CCDC148: variants seen among roughly 807,000 people sequenced by gnomAD.
CCDC148 encodes the protein coiled-coil domain-containing protein 148.
CCDC148 carries 89 observed loss-of-function variants against 85.7 expected under a neutral mutation model. That is an observed-to-expected ratio of 1.04 (90% CI 0.87 to 1.24). The LOEUF is 1.24. Ranked by LOEUF, CCDC148 falls within the 50% of genes most tolerant of loss-of-function variation. The probability of loss-of-function intolerance (pLI) is 0.00; values close to 1 mark genes in which losing one functional copy is unlikely to be tolerated. For synonymous variants in CCDC148, 230 were observed against 213.9 expected, an observed-to-expected ratio of 1.08 and a Z score of -0.66; for missense variants, 692 against 671.7, an observed-to-expected ratio of 1.03 and a Z score of -0.33.
chr2:158,368,398 A>G (rs1228826334), intron 1 of CCDC148, among the ~76,000 whole-genome samples: 2 of 152,088 alleles, frequency 1.3e-5, no homozygotes, highest in East Asian at 1.9e-4. Flanking sequence ...GGCTATTTCA[A>G]TTTTATGTTT....
chr2:158,333,112 T>C (rs972125655), intron 7 of CCDC148, among the ~76,000 whole-genome samples: 4 of 152,168 alleles, frequency 2.6e-5, no homozygotes, highest in African/African-American at 9.7e-5. Context: ...CTAGTGATAT[T>C]TGGGTATCAA....
At chr2:158,451,722 T>C (rs1688412144) in intron 1 of CCDC148, among the ~76,000 whole-genome samples, 1 of 152,030 alleles carries the variant, frequency 6.6e-6, no homozygotes, top group Admixed American at 6.6e-5. Flanking sequence ...CTAAAAAAAA[T>C]TCTTTTGCCT....
At chr2:158,317,731 G>T (rs544785036) in intron 7 of CCDC148, among the ~76,000 whole-genome samples, 65 of 152,126 alleles carry the variant, frequency 4.3e-4, no homozygotes, top group African/African-American at 1.6e-3. Flanking sequence ...ACACATACAG[G>T]TAACAGATAC....
intron 11 of CCDC148, among the ~76,000 whole-genome samples, chr2:158,179,895 C>T (rs545060952): frequency 5.9e-5 from 9 of 152,160 alleles, no homozygotes; most frequent in Non-Finnish European, 1.3e-4. Flanking sequence ...TTTCCAACCC[C>T]CTTAAAATCA....
chr2:158,188,161 A>G (rs894695468), intron 11 of CCDC148, among the ~76,000 whole-genome samples: 1 of 151,986 alleles, frequency 6.6e-6, no homozygotes, highest in African/African-American at 2.4e-5. Context: ...AAAGCAGACA[A>G]TCAAGCTCCC....
intron 1 of CCDC148, among the ~76,000 whole-genome samples, chr2:158,455,222 A>G (rs546523795): frequency 6.6e-6 from 1 of 152,250 alleles, no homozygotes; most frequent in Admixed American, 6.5e-5. Context: ...AAAACAGCCT[A>G]TTTCCATGAT....
intron 7 of CCDC148, among the ~76,000 whole-genome samples, chr2:158,334,113 AGT>A (rs1693298425): frequency 6.6e-6 from 1 of 152,172 alleles, no homozygotes; most frequent in Admixed American, 6.6e-5. Context: ...AACTCACAAA[AGT>A]GTGGAGTGCC....
rs557155560 is a variant in CCDC148 at position 158,284,612 on chromosome 2, C to T, written c.1110+24821G>A. ...CAGCTGGGATCCTTGATAACTGGAG[C>T]AATTAAAAAGGCTTCAAGCTTTGGT... On this transcript the variant is annotated intron_variant, in intron 9 of 13. Transcript: ENST00000283233. 2.2e-4 allele frequency among the ~76,000 whole-genome samples: 33 copies of T among 152,222 alleles called. 1 individual carries two copies. Among genetic ancestry groups the T allele is most frequent in the Non-Finnish European group, 4.3e-4 (29 of 68,006 alleles).
At chr2:158,341,187 C>T (rs1435218469) in intron 3 of CCDC148, among the ~76,000 whole-genome samples, 1 of 151,746 alleles carries the variant, frequency 6.6e-6, no homozygotes, top group Non-Finnish European at 1.5e-5. Context: ...TCTTCATGAG[C>T]TTATATATGT....
chr2:158,195,632 C>A (rs1361565971), intron 11 of CCDC148, among the ~76,000 whole-genome samples: 2 of 152,146 alleles, frequency 1.3e-5, no homozygotes, highest in East Asian at 3.9e-4. Flanking sequence ...CTCAGGAAAT[C>A]ATTTTTAAAA....
intron 10 of CCDC148, among the ~76,000 whole-genome samples, chr2:158,245,337 A>T (rs1688526642): frequency 6.6e-6 from 1 of 152,166 alleles, no homozygotes; most frequent in East Asian, 1.9e-4. Context: ...TATTGGTATG[A>T]TGTTACAAGA....
chr2:158,171,988 T>C lies in CCDC148; in HGVS notation c.*125A>G. 1 of 732,248 alleles carries C rather than the reference T, an allele frequency of 1.4e-6. No individual in the cohort carries two copies. Among genetic ancestry groups the C allele is most frequent in the Non-Finnish European group, 2.1e-6 (1 of 468,780 alleles). The allele number at this position is 732,248 out of a possible 1,614,324, so 45.4% of individuals were successfully genotyped here. ...GAATCACAAAAGAAAGGCAAAGTTG[T>C]TTTAATAGATGCTATGATTTCTATG... On this transcript the variant is annotated 3_prime_UTR_variant, in exon 14 of 14. Transcript: ENST00000283233.
chr2:158,280,459 A>AC (rs1356320320), intron 9 of CCDC148, among the ~76,000 whole-genome samples: 1 of 152,190 alleles, frequency 6.6e-6, no homozygotes, highest in African/African-American at 2.4e-5. Context: ...AAAACAAAAA[A>AC]AGGCAGGGGT....
At chr2:158,200,728 G>C (rs1194991054) in intron 11 of CCDC148, among the ~76,000 whole-genome samples, 1 of 152,130 alleles carries the variant, frequency 6.6e-6, no homozygotes, top group Non-Finnish European at 1.5e-5. Context: ...GGTTAAGGTA[G>C]CGATAGTCAG....
intron 1 of CCDC148, among the ~76,000 whole-genome samples, chr2:158,389,635 C>A (rs1036204432): frequency 6.6e-6 from 1 of 152,180 alleles, no homozygotes; most frequent in Admixed American, 6.5e-5. Context: ...TGTAGGACCA[C>A]AACATTACCT....
At chr2:158,453,605 G>T (rs1156744591) in intron 1 of CCDC148, among the ~76,000 whole-genome samples, 3 of 152,038 alleles carry the variant, frequency 2.0e-5, no homozygotes, top group African/African-American at 7.2e-5. Context: ...CTCCTCCATA[G>T]ACACCCAGGT....
chr2:158,367,903 C>A (rs1684271630), intron 1 of CCDC148, among the ~76,000 whole-genome samples: 1 of 152,112 alleles, frequency 6.6e-6, no homozygotes, highest in Non-Finnish European at 1.5e-5. Flanking sequence ...ATTAGGCATT[C>A]AGATTTAGAT....
At chr2:158,283,597 A>C (rs1357557240) in intron 9 of CCDC148, among the ~76,000 whole-genome samples, 2 of 152,230 alleles carry the variant, frequency 1.3e-5, no homozygotes, top group African/African-American at 4.8e-5. Context: ...CAACAGTTAG[A>C]ATGGCAATCA....
intron 3 of CCDC148, among the ~76,000 whole-genome samples, chr2:158,344,404 C>A (rs1352057505): frequency 3.3e-5 from 5 of 151,982 alleles, no homozygotes; most frequent in African/African-American, 1.2e-4. Flanking sequence ...ATGAAAAAGA[C>A]CTAAGTCAAA....
Sources: gnomAD v4.1 joint callset for allele counts (sites outside exome capture counted in the v4.1 genomes callset) on GRCh38, gnomAD v4.1.1 for gene constraint, MANE v1.5 for transcripts, NCBI Gene and HGNC (gene_info 2026-07-23, HGNC 2026-07-21) for gene names.